The following FAM83B variants were observed in gnomAD, a reference collection of about 807,000 sequenced individuals.
FAM83B encodes protein FAM83B.
In FAM83B, 26 loss-of-function variants were observed where a neutral mutation model predicts 38.8. The observed-to-expected ratio is 0.67, with a 90% confidence interval of 0.49 to 0.93. The LOEUF is 0.93. Among genes scored for constraint, FAM83B ranks in the 40% least tolerant of loss-of-function variants. The probability of loss-of-function intolerance (pLI) is 0.00; values close to 1 mark genes in which losing one functional copy is unlikely to be tolerated. For missense variants in FAM83B, 1,237 were observed against 1,197.3 expected (o/e 1.03, Z -0.49); for synonymous variants, 419 against 423.1 (o/e 0.99, Z 0.12).
intron 2 of FAM83B, among the ~76,000 whole-genome samples, chr6:54,920,609 G>A (rs1240832353): frequency 6.6e-6 from 1 of 151,860 alleles, no homozygotes; most frequent in African/African-American, 2.4e-5. Flanking sequence ...ATTGAAAATA[G>A]TGAAGCATAT....
chr6:54,933,397 T>A (rs1773464392), intron 4 of FAM83B, among the ~76,000 whole-genome samples: 1 of 152,116 alleles, frequency 6.6e-6, no homozygotes, highest in East Asian at 1.9e-4. Context: ...TTGATGTTTT[T>A]TTTGTTAGTT....
Position 54,941,993 on chromosome 6 carries a change from C to T in FAM83B, c.3022C>T (p.His1008Tyr), listed in dbSNP as rs1561934493. The change falls in exon 5 of 5, where the codon CAC becomes TAC. Residue 1008 changes from histidine to tyrosine, a missense_variant. Physicochemically the swap from His to Tyr is moderately conservative, Grantham distance 83 (BLOSUM62 2). Coordinates refer to ENST00000306858, the MANE Select transcript of FAM83B (RefSeq NM_001010872.3). ...TATGCAAAAGTTTGGAAACTTTATACACAAAAATAAATAGCTATTAAAATG... is the reference window on the plus strand; with the variant it reads ...TATGCAAAAGTTTGGAAACTTTATATACAAAAATAAATAGCTATTAAAATG... ...GFMQKFGNFI[H>Y]KNK 5 of 1,594,290 alleles carry T rather than the reference C, an allele frequency of 3.1e-6. No homozygotes were observed. The highest frequency in any genetic ancestry group is 4.3e-6 in the Non-Finnish European group (5 of 1,171,954).
intron 2 of FAM83B, among the ~76,000 whole-genome samples, chr6:54,912,533 T>G (rs1772934142): frequency 2.0e-5 from 3 of 151,580 alleles, no homozygotes; most frequent in Non-Finnish European, 4.4e-5. Context: ...ACAGCCCAAT[T>G]GAAAAATATT....
chr6:54,875,985 T>C (rs1371160548), intron 2 of FAM83B, among the ~76,000 whole-genome samples: 1 of 152,138 alleles, frequency 6.6e-6, no homozygotes, highest in East Asian at 1.9e-4. Flanking sequence ...GAAATTGTTA[T>C]ATGAGACTTC....
At chr6:54,886,264 G>T (rs528473302) in intron 2 of FAM83B, among the ~76,000 whole-genome samples, 1 of 151,664 alleles carries the variant, frequency 6.6e-6, no homozygotes, top group Non-Finnish European at 1.5e-5. Flanking sequence ...AATTGTAGTC[G>T]TCAGTTTTTA....
chr6:54,848,831 G>C (rs1291925840), intron 1 of FAM83B, among the ~76,000 whole-genome samples: 1 of 152,162 alleles, frequency 6.6e-6, no homozygotes, highest in Non-Finnish European at 1.5e-5. Flanking sequence ...GGTTGGAGGA[G>C]ACCTTTTGAA....
At chr6:54,915,204 A>G (rs1773006292) in intron 2 of FAM83B, among the ~76,000 whole-genome samples, 1 of 152,250 alleles carries the variant, frequency 6.6e-6, no homozygotes, top group Non-Finnish European at 1.5e-5. Context: ...AAGTAACACA[A>G]CTTTTTATCA....
chr6:54,907,140 C>T (rs239828), intron 2 of FAM83B, among the ~76,000 whole-genome samples: 35,312 of 152,062 alleles, frequency 0.23, 4,368 homozygotes, highest in Middle Eastern at 0.35. Context: ...TGCCAGTTAA[C>T]TGTAAAATAA....
intron 1 of FAM83B, among the ~76,000 whole-genome samples, chr6:54,849,890 C>G (rs760123237): frequency 3.3e-5 from 5 of 151,674 alleles, no homozygotes; most frequent in Non-Finnish European, 7.4e-5. Context: ...TGTAGTCTCC[C>G]GGTTACTGGC....
At chr6:54,912,027 T>C (rs1009717496) in intron 2 of FAM83B, among the ~76,000 whole-genome samples, 1 of 152,036 alleles carries the variant, frequency 6.6e-6, no homozygotes, top group Non-Finnish European at 1.5e-5. Flanking sequence ...TGTTTTGCCC[T>C]CTTTGTCTCA....
chr6:54,897,113 C>T (rs1166470351), intron 2 of FAM83B, among the ~76,000 whole-genome samples: 1 of 152,030 alleles, frequency 6.6e-6, no homozygotes, highest in Non-Finnish European at 1.5e-5. Context: ...TGCCAAATTT[C>T]TTCCCTTGTC....
In FAM83B at chr6:54,940,938, C is replaced by T. The variant is rs117554306; in HGVS notation, c.1967C>T (p.Thr656Ile). Residue 656 changes from threonine (T) to isoleucine (I), a missense_variant, in exon 5 of 5, where the codon ACT becomes ATT. Coordinates refer to ENST00000306858, the MANE Select transcript of FAM83B (RefSeq NM_001010872.3). The part of the protein sequence containing the change: ...KQTENLKNQQ[T>I]ENLLKRRSFP... Reference sequence around the variant, plus strand: ...ACAGAAAATCTAAAGAATCAACAGACTGAGAATCTACTTAAAAGGCGAAGT... The same window carrying T: ...ACAGAAAATCTAAAGAATCAACAGATTGAGAATCTACTTAAAAGGCGAAGT... The T allele has an allele frequency of 4.1e-5, 66 of 1,613,430 alleles. No individual in the cohort carries two copies. In the East Asian group the frequency reaches 1.4e-3, roughly 35 times the overall value.
chr6:54,872,863 A>G (rs1399272079), intron 2 of FAM83B, among the ~76,000 whole-genome samples: 1 of 152,216 alleles, frequency 6.6e-6, no homozygotes, highest in Admixed American at 6.5e-5. Flanking sequence ...AAGAAAGACA[A>G]TTGCATCTTT....
chr6:54,860,648 A>G (rs1771562321), intron 1 of FAM83B, among the ~76,000 whole-genome samples: 1 of 152,224 alleles, frequency 6.6e-6, no homozygotes, highest in African/African-American at 2.4e-5. Flanking sequence ...GTTGTGTCAC[A>G]TTCAACCAAG....
chr6:54,901,132 A>G (rs1050532860), intron 2 of FAM83B, among the ~76,000 whole-genome samples: 3 of 152,214 alleles, frequency 2.0e-5, no homozygotes, highest in Admixed American at 6.5e-5. Flanking sequence ...GACTAAAACA[A>G]GAAAGCCTGA....
At chr6:54,849,445 G>T (rs1771213549) in intron 1 of FAM83B, among the ~76,000 whole-genome samples, 1 of 151,826 alleles carries the variant, frequency 6.6e-6, no homozygotes, top group Non-Finnish European at 1.5e-5. Flanking sequence ...GTGGAGTGGG[G>T]GGCAAGTGGG....
intron 1 of FAM83B, among the ~76,000 whole-genome samples, chr6:54,852,950 T>C (rs13197719): frequency 6.7e-6 from 1 of 150,358 alleles, no homozygotes. Flanking sequence ...TTTTTTTTCT[T>C]TTTTTAAGCT....
At chr6:54,924,751 CAA>C (rs1773248400) in intron 2 of FAM83B, among the ~76,000 whole-genome samples, 1 of 152,034 alleles carries the variant, frequency 6.6e-6, no homozygotes, top group African/African-American at 2.4e-5. Flanking sequence ...CCTTTGGACT[CAA>C]AGATATCCAG....
At position 54,941,497 on chromosome 6, in the gene FAM83B, C is replaced by A. The variant is rs1409506281; in HGVS notation, c.2526C>A (p.Ile842=). 3.0e-5 allele frequency: 48 copies of A among 1,613,906 alleles called. No individual in the cohort carries two copies. The highest frequency in any genetic ancestry group is 3.9e-5 in the Non-Finnish European group (46 of 1,180,000). The change falls in exon 5 of 5, where the codon ATC becomes ATA. Residue 842 remains isoleucine (I), a synonymous_variant. Coordinates refer to ENST00000306858, the MANE Select transcript of FAM83B (RefSeq NM_001010872.3). The part of the protein sequence containing the change: ...HSSSSNSQGS[I]HKSKEDVTVS... ...CCTCATCGAATTCTCAAGGCAGCAT[C>A]CACAAGAGTAAGGAAGATGTAACAG... is the stretch of plus-strand genomic sequence containing the variant.
Sources: gnomAD v4.1 joint callset for allele counts (sites outside exome capture counted in the v4.1 genomes callset) on GRCh38, gnomAD v4.1.1 for gene constraint, MANE v1.5 for transcripts, NCBI Gene and HGNC (gene_info 2026-07-23, HGNC 2026-07-21) for gene names.